Variants in CEP152 observed in about 807,000 individuals in gnomAD.
The protein encoded by CEP152 is centrosomal protein 152.
In CEP152, 132 loss-of-function variants were observed where a neutral mutation model predicts 188.9. That is an observed-to-expected ratio of 0.70 (90% CI 0.61 to 0.81). The LOEUF is 0.81. Ranked by LOEUF, CEP152 falls within the 30% of genes least tolerant of loss-of-function variation. The probability of loss-of-function intolerance (pLI) is 0.00; values close to 1 mark genes in which losing one functional copy is unlikely to be tolerated. For missense variants in CEP152, 1,914 were observed against 1,969.8 expected (o/e 0.97, Z 0.54); for synonymous variants, 649 against 666.6 (o/e 0.97, Z 0.41).
chr15:48,734,798 A>G (rs1892543501), downstream of CEP152, among the ~76,000 whole-genome samples: 1 of 152,210 alleles, frequency 6.6e-6, no homozygotes, highest in Non-Finnish European at 1.5e-5. Context: ...TTTTAAAATA[A>G]TAAAGGGCCA....
chr15:48,742,024 A>G lies in CEP152; in HGVS notation c.3912T>C (p.Arg1304=), dbSNP rs1290206709. The G allele has an allele frequency of 6.2e-7, 1 of 1,614,002 alleles. No individual in the cohort carries two copies. Among genetic ancestry groups the G allele is most frequent in the Non-Finnish European group, 8.5e-7 (1 of 1,180,024 alleles). Residue 1304 remains arginine (R), a synonymous_variant, in exon 25 of 27, where the codon CGT becomes CGC. Transcript: ENST00000380950. The part of the protein sequence containing the change: ...EMVKAEVLRE[R]QETARKMRKY... ...TGCGCATCTTTCGGGCGGTTTCTTG[A>G]CGTTCTCGCAGTACCTCTGCTTTTA...
At chr15:48,731,696 T>C (rs970551482) in intron 2 of CEP152, among the ~76,000 whole-genome samples, 9 of 152,308 alleles carry the variant, frequency 5.9e-5, no homozygotes, top group Middle Eastern at 3.4e-3. Context: ...GGGATCTAAT[T>C]AAGCTAAAGA....
At chr15:48,778,925 G>T (rs1383885768) in intron 12 of CEP152, among the ~76,000 whole-genome samples, 5 of 150,340 alleles carry the variant, frequency 3.3e-5, no homozygotes, top group Non-Finnish European at 7.4e-5. Flanking sequence ...CTCCGGTCTG[G>T]GCAACAAAAG....
intron 6 of CEP152, 62 bp downstream of exon 6, chr15:48,795,948 T>C: frequency 7.2e-7 from 1 of 1,386,840 alleles, no homozygotes; most frequent in South Asian, 1.2e-5. Context: ...CAAATATTCA[T>C]TGTGTATTCA....
chr15:48,788,950 G>T lies in CEP152; in HGVS notation c.1024C>A (p.Gln342Lys). ...TEMALESLKQQLVDLHHSESL... is the reference protein window; with the variant it reads ...TEMALESLKQKLVDLHHSESL... ...TCAGAATGATGAAGGTCCACCAGCT[G>T]CTGCTTCAAGCTTTCCAGAGCCATT... is the stretch of plus-strand genomic sequence containing the variant. The change falls in exon 9 of 27, where the codon CAG (glutamine) becomes AAG (lysine). Residue 342 changes from glutamine to lysine, a missense_variant. Coordinates refer to ENST00000380950, the MANE Select transcript of CEP152 (RefSeq NM_001194998.2). 1 of 1,614,110 alleles carries T rather than the reference G, an allele frequency of 6.2e-7. No homozygotes were observed. The highest frequency in any genetic ancestry group is 8.5e-7 in the Non-Finnish European group (1 of 1,180,020).
At chr15:48,793,746 G>A (rs1223464329) in intron 6 of CEP152, among the ~76,000 whole-genome samples, 2 of 152,156 alleles carry the variant, frequency 1.3e-5, no homozygotes, top group Non-Finnish European at 2.9e-5. Flanking sequence ...TTCTTACAGT[G>A]GGTCACTGAT....
At chr15:48,801,022 A>G (rs2140918504) in intron 2 of CEP152, among the ~76,000 whole-genome samples, 1 of 152,348 alleles carries the variant, frequency 6.6e-6, no homozygotes, top group South Asian at 2.1e-4. Context: ...GATTATCTTC[A>G]GAGCCTATAA....
intron 9 of CEP152, 78 bp downstream of exon 9, chr15:48,788,723 T>A (rs1896823762): frequency 7.6e-7 from 1 of 1,310,954 alleles, no homozygotes; most frequent in African/African-American, 1.4e-5. Flanking sequence ...TTCTATATGA[T>A]GAACCATAAA....
intron 8 of CEP152, among the ~76,000 whole-genome samples, chr15:48,790,843 C>T (rs960238815): frequency 1.3e-5 from 2 of 152,230 alleles, no homozygotes; most frequent in East Asian, 1.9e-4. Context: ...GCTGGGATTA[C>T]AGGCGTGAGC....
intron 9 of CEP152, among the ~76,000 whole-genome samples, chr15:48,786,272 A>G (rs1896627447): frequency 6.6e-6 from 1 of 152,110 alleles, no homozygotes; most frequent in South Asian, 2.1e-4. Context: ...GAGAGAGTCC[A>G]GGCGATAGTT....
At chr15:48,807,332 A>AT (rs1229172881) in intron 1 of CEP152, among the ~76,000 whole-genome samples, 7 of 152,198 alleles carry the variant, frequency 4.6e-5, no homozygotes, top group Non-Finnish European at 7.3e-5. Flanking sequence ...ATGTCTCTAG[A>AT]TTTTTTTCCA....
At position 48,762,547 on chromosome 15, in the gene CEP152, A is replaced by G; in HGVS notation, c.2406T>C (p.Asp802=). ...TTGCCATCTCTTTCTTGGAAATAACATCACTGGTGGTTACTTGGTCAGTTT... is the reference window on the plus strand; with the variant it reads ...TTGCCATCTCTTTCTTGGAAATAACGTCACTGGTGGTTACTTGGTCAGTTT... ...GSQTDQVTTS[D]VISKKEMAIM... is the part of the protein sequence containing the mutation. Residue 802 remains aspartate, a synonymous_variant, in exon 18 of 27, where the codon GAT becomes GAC. Coordinates refer to ENST00000380950, the MANE Select transcript of CEP152 (RefSeq NM_001194998.2). The G allele has an allele frequency of 6.2e-7, 1 of 1,614,040 alleles. No individual in the cohort carries two copies. The highest frequency in any genetic ancestry group is 8.5e-7 in the Non-Finnish European group (1 of 1,179,984).
intron 15 of CEP152, 114 bp downstream of exon 15, chr15:48,768,105 C>A: frequency 1.4e-6 from 1 of 721,434 alleles, no homozygotes; most frequent in East Asian, 2.6e-5. Context: ...TCCAAGATCT[C>A]AACAGGGTAG....
At chr15:48,782,828 A>G in intron 10 of CEP152, among the ~76,000 whole-genome samples, 1 of 152,208 alleles carries the variant, frequency 6.6e-6, no homozygotes, top group East Asian at 1.9e-4. Context: ...AAGTGAAGCA[A>G]TGATGGCATA....
chr15:48,788,619 A>G (rs1457553953), intron 9 of CEP152, among the ~76,000 whole-genome samples, 182 bp downstream of exon 9: 1 of 151,940 alleles, frequency 6.6e-6, no homozygotes, highest in African/African-American at 2.4e-5. Flanking sequence ...TACTGGGATT[A>G]CAGGCGTGAG....
rs765791978 is a variant in CEP152 at position 48,738,951 on chromosome 15, C to T, written c.4431G>A (p.Lys1477=). 9.3e-6 allele frequency: 15 copies of T among 1,613,858 alleles called. No individual in the cohort carries two copies. The highest frequency in any genetic ancestry group is 1.3e-5 in the African/African-American group (1 of 74,906). The change falls in exon 27 of 27, where the codon AAG becomes AAA. Residue 1477 remains lysine (K), a synonymous_variant. Coordinates refer to ENST00000380950, the MANE Select transcript of CEP152 (RefSeq NM_001194998.2). ...CATTATCACTGAGTAGGTCTTTCTTCTTGTGCAAACCAAAGCCTCCTTCAC... is the reference window on the plus strand; with the variant it reads ...CATTATCACTGAGTAGGTCTTTCTTTTTGTGCAAACCAAAGCCTCCTTCAC... ...CEGEGGFGLH[K]KKDLLSDNGS... is the part of the protein sequence containing the mutation.
At chr15:48,797,900 G>C (rs770960182) in intron 3 of CEP152, 48 bp downstream of exon 3, 21 of 1,521,624 alleles carry the variant, frequency 1.4e-5, no homozygotes, top group Non-Finnish European at 1.7e-5. Context: ...AAAAGAAAAA[G>C]ACTTATAGAA....
rs114300989 is a variant in CEP152, at chr15:48,776,137, C to G, written c.1578-3446G>C. 9.9e-3 allele frequency among the ~76,000 whole-genome samples: 1,506 copies of G among 152,062 alleles called. 32 individuals are homozygous for G. The highest frequency in any genetic ancestry group is 0.035 in the African/African-American group (1,439 of 41,510). ...TATGGGCAGCTCGTGGCAATATTTA[C>G]TTCTTGACCTGGGTGGTGGTCCTAC... On this transcript the variant is annotated intron_variant, in intron 12 of 26. Coordinates refer to ENST00000380950, the MANE Select transcript of CEP152 (RefSeq NM_001194998.2).
intron 2 of CEP152, among the ~76,000 whole-genome samples, chr15:48,802,400 A>G (rs988064407): frequency 2.6e-5 from 4 of 151,948 alleles, no homozygotes; most frequent in African/African-American, 7.2e-5. Flanking sequence ...CTGACGATAC[A>G]TATCTCTATG....
Sources: allele counts gnomAD v4.1 joint callset (sites outside exome capture counted in the v4.1 genomes callset), GRCh38; gene constraint gnomAD v4.1.1; transcripts MANE v1.5; gene names NCBI Gene and HGNC (gene_info 2026-07-23, HGNC 2026-07-21).